The following SNRNP35 variants were observed in gnomAD, a reference collection of about 807,000 sequenced individuals.
The protein encoded by SNRNP35 is U11/U12 small nuclear ribonucleoprotein 35 kDa protein.
In SNRNP35, 16 loss-of-function variants were observed where a neutral mutation model predicts 24.3. That is an observed-to-expected ratio of 0.66 (90% CI 0.45 to 1.00). The LOEUF is 1.00. Among genes scored for constraint, SNRNP35 ranks in the 50% least tolerant of loss-of-function variants. The pLI is 0.00. For synonymous variants in SNRNP35, 106 were observed against 124.8 expected (o/e 0.85, Z 1.00); for missense variants, 292 against 327.2 (o/e 0.89, Z 0.83).
In SNRNP35 at chr12:123,458,212, C is replaced by T; in HGVS notation, c.-8C>T. On this transcript the variant is annotated 5_prime_UTR_variant, in exon 1 of 2. Transcript: ENST00000526639. ...CCGTCGGAAGGGAGCCCAAGCTTTG[C>T]AGAGGTGAGTGGAAGCGGCTTGGAA... 1 of 985,492 alleles carries T rather than the reference C, an allele frequency of 1.0e-6. No homozygotes were observed. Among genetic ancestry groups the T allele is most frequent in the South Asian group, 4.7e-5 (1 of 21,286 alleles). 61.0% of individuals were successfully genotyped at this position (985,492 alleles called of 1,614,324 possible).
At chr12:123,460,616 A>C (rs1229498075) in intron 1 of SNRNP35, among the ~76,000 whole-genome samples, 1 of 150,798 alleles carries the variant, frequency 6.6e-6, no homozygotes, top group Non-Finnish European at 1.5e-5. Flanking sequence ...AAAAAAAAAA[A>C]AAAAAAAAGC....
chr12:123,469,118 C>T (rs567985441), downstream of SNRNP35, among the ~76,000 whole-genome samples: 234 of 152,270 alleles, frequency 1.5e-3, 1 homozygote, highest in Middle Eastern at 6.8e-3. Flanking sequence ...CCAAATGTCC[C>T]CTGGGGGGCT....
rs1880896409 is a variant in SNRNP35, at chr12:123,465,505, G to A, written c.-3-33G>A. On this transcript the variant is annotated intron_variant, in intron 1 of 1. Transcript: ENST00000526639. The surrounding 1 kb of genome is among the most constrained non-coding windows in gnomAD (Gnocchi z 4.2). ...GGTTGAATGAGTGGCTCAGAGTAGA[G>A]GCTCCATCCACGCTTGCTCTTATCA... 1 of 1,519,686 alleles carries A rather than the reference G, an allele frequency of 6.6e-7. No individual in the cohort carries two copies. The highest frequency in any genetic ancestry group is 8.8e-7 in the Non-Finnish European group (1 of 1,134,364). The allele number at this position is 1,519,686 out of a possible 1,614,324, so 94.1% of individuals were successfully genotyped here.
intron 1 of SNRNP35, chr12:123,464,751 A>G (rs1212905815): frequency 6.6e-6 from 1 of 152,202 alleles, no homozygotes; most frequent in East Asian, 1.9e-4. Flanking sequence ...TCATGCTCCC[A>G]GTCTAAACGG....
chr12:123,459,851 C>T (rs764440141), intron 1 of SNRNP35: 34 of 1,591,632 alleles, frequency 2.1e-5, no homozygotes, highest in Non-Finnish European at 2.7e-5. Flanking sequence ...CTAATGCTGC[C>T]GGGGAGGAAG....
rs554416271 is a variant in SNRNP35 at position 123,463,580 on chromosome 12, A to ATTGGCCAGACTGGTCTCAAACTCC, written c.-3-1941_-3-1918dup. On this transcript the variant is annotated intron_variant, in intron 1 of 1. Transcript: ENST00000526639. Reference sequence around the variant, plus strand: ...TTTAGTAGAGACGGGGTTTCACCATATTGGCCAGACTGGTCTCAAACTCCT... The same window carrying ATTGGCCAGACTGGTCTCAAACTCC: ...TTTAGTAGAGACGGGGTTTCACCATATTGGCCAGACTGGTCTCAAACTCCTTGGCCAGACTGGTCTCAAACTCCT... Among the ~76,000 whole-genome samples, 596 of 151,190 alleles carry ATTGGCCAGACTGGTCTCAAACTCC rather than the reference A, an allele frequency of 3.9e-3. 4 individuals carry two copies. The highest frequency in any genetic ancestry group is 5.4e-3 in the Non-Finnish European group (367 of 67,806).
At chr12:123,469,662 TTTTTA>T (rs747925898), downstream of SNRNP35, among the ~76,000 whole-genome samples, 16 of 151,906 alleles carry the variant, frequency 1.1e-4, no homozygotes, top group Non-Finnish European at 2.4e-4. Flanking sequence ...CCCACCTATT[TTTTTA>T]TTTTAATTAA....
chr12:123,458,516 CGAG>C (rs1472253549), intron 1 of SNRNP35, among the ~76,000 whole-genome samples: 2 of 151,550 alleles, frequency 1.3e-5, no homozygotes, highest in Non-Finnish European at 2.9e-5. Flanking sequence ...TGTTTGCCTC[CGAG>C]GCCCACTGCG....
Position 123,466,095 on chromosome 12 carries a change from G to GCGATCT in SNRNP35, c.561_566dup (p.Ser189_Arg190dup), listed in dbSNP as rs778022124. The GCGATCT allele has an allele frequency of 5.1e-5, 83 of 1,612,908 alleles. No homozygotes were observed. The highest frequency in any genetic ancestry group is 6.6e-5 in the Non-Finnish European group (78 of 1,179,660). ...GAGAGGGAAAACGGGAAAGGCGGGA[G>GCGATCT]CGATCTCGATCCCGAGAAAGACACT... On this transcript the variant is annotated inframe_insertion, in exon 2 of 2. Coordinates refer to ENST00000526639, the MANE Select transcript of SNRNP35 (RefSeq NM_022717.4).
intron 1 of SNRNP35, among the ~76,000 whole-genome samples, chr12:123,460,470 AAGAGGTT>A (rs1880544826): frequency 6.6e-6 from 1 of 151,866 alleles, no homozygotes; most frequent in African/African-American, 2.4e-5. Context: ...GAGAGGAGTT[AAGAGGTT>A]AGTACAGGCT....
chr12:123,469,878 A>T (rs1372328523), downstream of SNRNP35, among the ~76,000 whole-genome samples: 2 of 150,616 alleles, frequency 1.3e-5, no homozygotes, highest in African/African-American at 2.4e-5. Flanking sequence ...ATTTAAATAA[A>T]AAAAAAAAGG....
At chr12:123,472,926 G>T (rs1881303261) in exon 2 of SNRNP35, 2 of 468,910 alleles carry the variant, frequency 4.3e-6, no homozygotes, top group South Asian at 2.5e-5. Flanking sequence ...ATGCTGATGT[G>T]ATGTGTGAGG....
At chr12:123,461,561 A>G (rs915303979) in intron 1 of SNRNP35, among the ~76,000 whole-genome samples, 1 of 151,914 alleles carries the variant, frequency 6.6e-6, no homozygotes, top group Non-Finnish European at 1.5e-5. Flanking sequence ...TCTGTTTTTC[A>G]TTCTTTTACT....
chr12:123,471,066 T>C (rs922907378), downstream of SNRNP35: 1 of 151,454 alleles, frequency 6.6e-6, no homozygotes, highest in African/African-American at 2.4e-5. Flanking sequence ...GATGGTTTCT[T>C]TCTTTCTTTT....
At chr12:123,472,272 G>A (rs934708239) in exon 2 of SNRNP35, 4 of 401,528 alleles carry the variant, frequency 1.0e-5, no homozygotes, top group African/African-American at 2.0e-5. Context: ...TCTGGCCTCC[G>A]TTTGTGGGAT....
chr12:123,472,693 G>A, exon 2 of SNRNP35: 1 of 1,591,404 alleles, frequency 6.3e-7, no homozygotes, highest in Non-Finnish European at 8.6e-7. Context: ...CTTTGGAAGG[G>A]AAAGCAAACA....
At chr12:123,461,273 G>A (rs1466325664) in intron 1 of SNRNP35, among the ~76,000 whole-genome samples, 7 of 134,530 alleles carry the variant, frequency 5.2e-5, no homozygotes, top group Non-Finnish European at 1.1e-4. Flanking sequence ...CCACCACTAC[G>A]CCTGGCTAAT....
chr12:123,470,977 C>G (rs139455463), downstream of SNRNP35: 2 of 152,054 alleles, frequency 1.3e-5, no homozygotes, highest in African/African-American at 4.8e-5. Context: ...TCTAACGCAG[C>G]AATAATTACC....
downstream of SNRNP35, among the ~76,000 whole-genome samples, chr12:123,468,088 G>A (rs769889246): frequency 3.3e-4 from 50 of 152,050 alleles, no homozygotes; most frequent in African/African-American, 1.2e-3. Flanking sequence ...GGCTGGGCAC[G>A]GTGCTCACGG....
Sources: allele counts gnomAD v4.1 joint callset (sites outside exome capture counted in the v4.1 genomes callset), GRCh38; gene constraint gnomAD v4.1.1; non-coding constraint Gnocchi (gnomAD v3.1); transcripts MANE v1.5; gene names NCBI Gene and HGNC (gene_info 2026-07-23, HGNC 2026-07-21).